BICC1: variants seen among roughly 807,000 people sequenced by gnomAD.
BICC1 encodes the protein protein bicaudal C homolog 1.
BICC1 carries 43 observed loss-of-function variants against 111.0 expected under a neutral mutation model. The ratio of observed to expected loss-of-function variants is 0.39; its 90% CI spans 0.30 to 0.50. The LOEUF (loss-of-function observed/expected upper bound fraction) is 0.50, where lower values mean the gene tolerates loss of function less well. Ranked by LOEUF, BICC1 falls within the 20% of genes least tolerant of loss-of-function variation. The probability of loss-of-function intolerance (pLI) is 0.88; values close to 1 mark genes in which losing one functional copy is unlikely to be tolerated. For synonymous variants in BICC1, 467 were observed against 434.4 expected, an observed-to-expected ratio of 1.07 and a Z score of -0.93; for missense variants, 1,091 against 1,203.2, an observed-to-expected ratio of 0.91 and a Z score of 1.38.
intron 3 of BICC1, among the ~76,000 whole-genome samples, chr10:58,784,476 A>G (rs1259221784): frequency 2.6e-5 from 4 of 152,170 alleles, no homozygotes; most frequent in Non-Finnish European, 5.9e-5. Flanking sequence ...AAGTTATTGC[A>G]TAAAGTGTGG....
chr10:58,800,698 G>A (rs1843516457), intron 13 of BICC1, among the ~76,000 whole-genome samples, 192 bp from the exon 14 acceptor site: 1 of 152,066 alleles, frequency 6.6e-6, no homozygotes. Flanking sequence ...ATATATGCGG[G>A]TCTTCTCTTC....
Position 58,829,461 on chromosome 10 carries a change from C to G in BICC1, c.*570C>G, listed in dbSNP as rs1402762659. 1 of 152,058 alleles carries G rather than the reference C, an allele frequency of 6.6e-6. No individual in the cohort carries two copies. Among genetic ancestry groups the G allele is most frequent in the Non-Finnish European group, 1.5e-5 (1 of 68,040 alleles). 9.4% of individuals were successfully genotyped at this position (152,058 alleles called of 1,614,324 possible). ...TTTTGTGTCACCTAATATGTTGGTA[C>G]AGATAAGAGTTAGTCACATTTTTCT... On this transcript the variant is annotated 3_prime_UTR_variant, in exon 21 of 21. Transcript: ENST00000373886.
intron 3 of BICC1, among the ~76,000 whole-genome samples, chr10:58,702,556 G>T (rs1274185975): frequency 6.6e-6 from 1 of 151,460 alleles, no homozygotes; most frequent in African/African-American, 2.4e-5. Flanking sequence ...TAGATTTCAG[G>T]TCTCGAGTGC....
At chr10:58,630,776 G>T (rs1387108731) in intron 2 of BICC1, among the ~76,000 whole-genome samples, 1 of 152,108 alleles carries the variant, frequency 6.6e-6, no homozygotes, top group Non-Finnish European at 1.5e-5. Flanking sequence ...ACAAAATTTG[G>T]TGTTTGTAGA....
intron 3 of BICC1, among the ~76,000 whole-genome samples, chr10:58,739,254 C>A (rs139741793): frequency 9.9e-5 from 15 of 152,058 alleles, no homozygotes; most frequent in Non-Finnish European, 7.4e-5. Flanking sequence ...GAGATGCGTC[C>A]CATCAATACC....
At chr10:58,540,868 T>G (rs908152627) in intron 1 of BICC1, among the ~76,000 whole-genome samples, 1 of 152,062 alleles carries the variant, frequency 6.6e-6, no homozygotes, top group Non-Finnish European at 1.5e-5. Flanking sequence ...TATGACCAAG[T>G]GGGATTTATT....
intron 2 of BICC1, chr10:58,649,964 A>G (rs1838394221): frequency 6.6e-6 from 1 of 152,188 alleles, no homozygotes. Flanking sequence ...TTTTTTGAAT[A>G]TAACCGTAAG....
chr10:58,660,453 A>T (rs1838805272), intron 2 of BICC1, among the ~76,000 whole-genome samples: 1 of 151,678 alleles, frequency 6.6e-6, no homozygotes, highest in Non-Finnish European at 1.5e-5. Context: ...TGTTTTATAA[A>T]TTTCCTGAAA....
At chr10:58,645,604 G>A (rs1159453473) in intron 2 of BICC1, among the ~76,000 whole-genome samples, 2 of 152,034 alleles carry the variant, frequency 1.3e-5, no homozygotes, top group Non-Finnish European at 2.9e-5. Flanking sequence ...TATATTTTGT[G>A]ATCCTGGCTC....
In BICC1 at chr10:58,789,055, C is replaced by T. The variant is rs1843096129; in HGVS notation, c.601-207C>T. Among the ~76,000 whole-genome samples, 3 of 151,978 alleles carry T rather than the reference C, an allele frequency of 2.0e-5. No individual in the cohort carries two copies. The South Asian group carries it at 6.3e-4, about 32-fold the overall frequency. On this transcript the variant is annotated intron_variant, in intron 6 of 20. Transcript: ENST00000373886. ...GTAGTGAGCTGGGATGATACCACTG[C>T]ATGCCAGCCTGGGTGACGGAGCAAG...
At chr10:58,766,787 T>C (rs1274388279) in intron 3 of BICC1, among the ~76,000 whole-genome samples, 1 of 152,066 alleles carries the variant, frequency 6.6e-6, no homozygotes, top group Non-Finnish European at 1.5e-5. Flanking sequence ...GGAGAGACCC[T>C]CTTTGCCCAT....
intron 3 of BICC1, among the ~76,000 whole-genome samples, chr10:58,776,234 C>T (rs771450160): frequency 1.4e-4 from 22 of 152,188 alleles, no homozygotes; most frequent in Non-Finnish European, 2.9e-4. Flanking sequence ...TGTGTGTGAA[C>T]TCTTAAATGC....
chr10:58,785,326 A>G lies in BICC1; in HGVS notation c.387+246A>G, dbSNP rs117782728. Among the ~76,000 whole-genome samples, 2,443 of 152,308 alleles carry G rather than the reference A, an allele frequency of 0.016. 35 individuals are homozygous for G. Among genetic ancestry groups the G allele is most frequent in the Non-Finnish European group, 0.028 (1,870 of 68,000 alleles). On this transcript the variant is annotated intron_variant, in intron 4 of 20. Transcript: ENST00000373886. ...CCTATATGTACCTACATCTACATACATATATATGTATCGTGTATGTATGTG... is the reference window on the plus strand; with the variant it reads ...CCTATATGTACCTACATCTACATACGTATATATGTATCGTGTATGTATGTG...
At chr10:58,795,186 A>G (rs895616248) in intron 9 of BICC1, among the ~76,000 whole-genome samples, 10 of 152,188 alleles carry the variant, frequency 6.6e-5, no homozygotes, top group Admixed American at 4.6e-4. Flanking sequence ...TCTTATATGC[A>G]TAGAATGGTG....
At chr10:58,825,741 A>T (rs112170061) in intron 20 of BICC1, among the ~76,000 whole-genome samples, 1 of 152,224 alleles carries the variant, frequency 6.6e-6, no homozygotes, top group African/African-American at 2.4e-5. Flanking sequence ...TAATCTCTCC[A>T]GTAAGTTGCA....
chr10:58,798,921 T>G (rs191206394), intron 11 of BICC1, 135 bp from the exon 12 acceptor site: 1 of 654,610 alleles, frequency 1.5e-6, no homozygotes, highest in Non-Finnish European at 2.5e-6. Flanking sequence ...AAATAGTACC[T>G]CTGTTTACAG....
intron 3 of BICC1, among the ~76,000 whole-genome samples, chr10:58,731,824 G>C (rs1841307849): frequency 6.6e-6 from 1 of 151,908 alleles, no homozygotes; most frequent in African/African-American, 2.4e-5. Context: ...CAAGAGGGAT[G>C]GTGTTAAACC....
At chr10:58,745,808 C>T (rs1156580152) in intron 3 of BICC1, among the ~76,000 whole-genome samples, 2 of 151,990 alleles carry the variant, frequency 1.3e-5, no homozygotes, top group Non-Finnish European at 1.5e-5. Flanking sequence ...TGATTAGCAA[C>T]CTTAATTACC....
intron 1 of BICC1, among the ~76,000 whole-genome samples, chr10:58,541,326 C>T (rs935910685): frequency 6.6e-6 from 1 of 152,214 alleles, no homozygotes; most frequent in Middle Eastern, 3.4e-3. Flanking sequence ...ACACATAAAA[C>T]TGCTAGAACT....
Sources: gnomAD v4.1 joint callset for allele counts (sites outside exome capture counted in the v4.1 genomes callset) on GRCh38, gnomAD v4.1.1 for gene constraint, MANE v1.5 for transcripts, NCBI Gene and HGNC (gene_info 2026-07-23, HGNC 2026-07-21) for gene names.